SLC9A9: variants seen among roughly 807,000 people sequenced by gnomAD.
SLC9A9 encodes the protein sodium/hydrogen exchanger 9.
In SLC9A9, 62 loss-of-function variants were observed where a neutral mutation model predicts 77.8. The ratio of observed to expected loss-of-function variants is 0.80; its 90% CI spans 0.65 to 0.98. The LOEUF (loss-of-function observed/expected upper bound fraction) is 0.98, where lower values mean the gene tolerates loss of function less well. Among genes scored for constraint, SLC9A9 ranks in the 50% least tolerant of loss-of-function variants. SLC9A9 has a pLI of 0.00. For synonymous variants in SLC9A9, 320 were observed against 283.5 expected (o/e 1.13, Z -1.29); for missense variants, 775 against 774.9 (o/e 1.00, Z 0.00).
At chr3:143,512,279 G>GCAATT in intron 9 of SLC9A9, among the ~76,000 whole-genome samples, 1 of 152,266 alleles carries the variant, frequency 6.6e-6, no homozygotes, top group South Asian at 2.1e-4. Flanking sequence ...GTTGAACTGA[G>GCAATT]CAATTACACT....
At chr3:143,844,721 CTTTCTTT>C (rs2009787446) in intron 1 of SLC9A9, among the ~76,000 whole-genome samples, 1 of 30,462 alleles carries the variant, frequency 3.3e-5, no homozygotes, top group Non-Finnish European at 6.4e-5. Flanking sequence ...CTCTTTCTTT[CTTTCTTT>C]CTTTCTTTCT....
At chr3:143,512,323 A>G (rs1247468945) in intron 9 of SLC9A9, among the ~76,000 whole-genome samples, 1 of 152,238 alleles carries the variant, frequency 6.6e-6, no homozygotes, top group Non-Finnish European at 1.5e-5. Flanking sequence ...TAATGTAACA[A>G]GTAGACATAG....
At chr3:143,330,208 T>C (rs2031727665) in intron 14 of SLC9A9, among the ~76,000 whole-genome samples, 1 of 151,668 alleles carries the variant, frequency 6.6e-6, no homozygotes, top group African/African-American at 2.4e-5. Flanking sequence ...GGCAGGAGAG[T>C]AGAAGGGTAA....
chr3:143,423,953 G>A (rs571250385), intron 12 of SLC9A9, among the ~76,000 whole-genome samples: 116 of 152,174 alleles, frequency 7.6e-4, no homozygotes, highest in Non-Finnish European at 1.6e-4. Context: ...CCAGAATAAG[G>A]GATCTCTACA....
intron 8 of SLC9A9, among the ~76,000 whole-genome samples, chr3:143,557,181 G>A (rs56150550): frequency 0.13 from 19,320 of 152,018 alleles, 1,290 homozygotes; most frequent in African/African-American, 0.14. Context: ...TGTGTCTGGC[G>A]TTTCCCCTGC....
intron 13 of SLC9A9, among the ~76,000 whole-genome samples, chr3:143,376,153 T>C (rs1055063184): frequency 2.6e-5 from 4 of 152,134 alleles, no homozygotes; most frequent in Admixed American, 2.0e-4. Context: ...CACAGCTTAC[T>C]GGGTTTGGGT....
intron 14 of SLC9A9, among the ~76,000 whole-genome samples, chr3:143,346,560 G>T (rs1298734275): frequency 2.0e-5 from 3 of 152,116 alleles, no homozygotes; most frequent in African/African-American, 4.8e-5. Context: ...GCTGAGTCGG[G>T]GGGGATCACT....
chr3:143,334,983 A>G (rs544849328), intron 14 of SLC9A9, among the ~76,000 whole-genome samples: 22 of 152,172 alleles, frequency 1.4e-4, no homozygotes, highest in African/African-American at 5.1e-4. Flanking sequence ...AATAGCACCC[A>G]TATTGGAAAG....
intron 9 of SLC9A9, 35 bp from the exon 10 acceptor site, chr3:143,495,483 A>T: frequency 5.9e-6 from 9 of 1,518,410 alleles, no homozygotes; most frequent in Non-Finnish European, 8.2e-6. Context: ...ACCATTAATT[A>T]TAACTCAGGT....
rs74402656 is a variant in SLC9A9 at position 143,671,432 on chromosome 3, A to G, written c.650-19072T>C. Among the ~76,000 whole-genome samples the G allele has an allele frequency of 5.9e-3, 906 of 152,302 alleles. 4 individuals are homozygous for G. The highest frequency in any genetic ancestry group is 0.01 in the Middle Eastern group (3 of 294). ...TAACTTGCCGTGAAACCTTGAGATA[A>G]TCTTAAAATTTGCTGCACCTCAATT... On this transcript the variant is annotated intron_variant, in intron 5 of 15. Transcript: ENST00000316549.
chr3:143,606,641 A>G (rs9863063), intron 6 of SLC9A9, among the ~76,000 whole-genome samples: 1 of 150,824 alleles, frequency 6.6e-6, no homozygotes, highest in Admixed American at 6.6e-5. Flanking sequence ...GACTCTAGAC[A>G]ATTTGAAAAA....
chr3:143,820,292 A>T (rs62268901), intron 2 of SLC9A9, among the ~76,000 whole-genome samples: 1,749 of 152,302 alleles, frequency 0.011, 16 homozygotes, highest in Non-Finnish European at 0.021. Context: ...TCAGCTGCTG[A>T]ATTTGTTCTC....
chr3:143,568,134 C>T (rs2037200084), intron 8 of SLC9A9, among the ~76,000 whole-genome samples: 1 of 152,080 alleles, frequency 6.6e-6, no homozygotes, highest in Admixed American at 6.6e-5. Flanking sequence ...CATGGCTGCT[C>T]CAGGGATCTG....
intron 12 of SLC9A9, among the ~76,000 whole-genome samples, chr3:143,463,835 G>T (rs865709): frequency 0.69 from 104,867 of 152,036 alleles, 36,642 homozygotes; most frequent in African/African-American, 0.79. Context: ...GGAAAATTTG[G>T]TTCACATATA....
intron 12 of SLC9A9, among the ~76,000 whole-genome samples, chr3:143,436,901 T>C (rs2034631205): frequency 6.6e-6 from 1 of 152,238 alleles, no homozygotes; most frequent in Admixed American, 6.5e-5. Context: ...TTCTTTGATG[T>C]GTCCACTCAG....
In SLC9A9 at chr3:143,457,075, G is replaced by A. The variant is rs142356922; in HGVS notation, c.1469+9962C>T. On this transcript the variant is annotated intron_variant, in intron 12 of 15. Coordinates refer to ENST00000316549, the MANE Select transcript of SLC9A9 (RefSeq NM_173653.4). Reference sequence around the variant, plus strand: ...CTTGCTCTGTTGCCAAGGCTGGAGTGCAGTGGTGTGATCATGGCTCACTGC... The same window carrying A: ...CTTGCTCTGTTGCCAAGGCTGGAGTACAGTGGTGTGATCATGGCTCACTGC... Among the ~76,000 whole-genome samples, 63 of 152,222 alleles carry A rather than the reference G, an allele frequency of 4.1e-4. No homozygotes were observed. In the East Asian group the frequency reaches 9.1e-3, roughly 22 times the overall value.
intron 4 of SLC9A9, among the ~76,000 whole-genome samples, chr3:143,791,293 G>A (rs572528171): frequency 2.0e-4 from 30 of 152,182 alleles, no homozygotes; most frequent in African/African-American, 6.3e-4. Context: ...TATGAAAAAC[G>A]GTTTACATCT....
chr3:143,620,949 C>T (rs1047229338), intron 6 of SLC9A9, among the ~76,000 whole-genome samples: 6 of 152,324 alleles, frequency 3.9e-5, no homozygotes, highest in African/African-American at 4.8e-5. Context: ...TCTTAGCAAA[C>T]GGCACGCCAG....
At chr3:143,321,502 C>T (rs1054243258) in intron 14 of SLC9A9, among the ~76,000 whole-genome samples, 46 of 152,290 alleles carry the variant, frequency 3.0e-4, no homozygotes, top group African/African-American at 1.1e-3. Context: ...CATGTTCACC[C>T]CCATGAATAC....
Sources: allele counts gnomAD v4.1 joint callset (sites outside exome capture counted in the v4.1 genomes callset), GRCh38; gene constraint gnomAD v4.1.1; transcripts MANE v1.5; gene names NCBI Gene and HGNC (gene_info 2026-07-23, HGNC 2026-07-21).